LARP1B: variants seen among roughly 807,000 people sequenced by gnomAD.
The protein encoded by LARP1B is La ribonucleoprotein 1B.
A neutral mutation model predicts 114.2 loss-of-function variants in LARP1B; 76 were observed. That is an observed-to-expected ratio of 0.67 (90% CI 0.55 to 0.81). The LOEUF (loss-of-function observed/expected upper bound fraction) is 0.81. LARP1B is among the 30% of genes least tolerant of loss of function. LARP1B has a pLI of 0.00. For missense variants in LARP1B, 1,014 were observed against 1,075.8 expected, an observed-to-expected ratio of 0.94 and a Z score of 0.80; for synonymous variants, 345 against 348.0, an observed-to-expected ratio of 0.99 and a Z score of 0.10.
intron 11 of LARP1B, among the ~76,000 whole-genome samples, chr4:128,134,725 A>G (rs1792713510): frequency 2.0e-5 from 3 of 152,372 alleles, no homozygotes; most frequent in Admixed American, 2.0e-4. Context: ...GTATATAAAG[A>G]ACTCCTACAA....
chr4:128,113,376 A>C (rs1406061759), intron 9 of LARP1B, among the ~76,000 whole-genome samples: 1 of 138,612 alleles, frequency 7.2e-6, no homozygotes, highest in African/African-American at 2.7e-5. Flanking sequence ...TGAGACAGAG[A>C]GTTGCTCTGT....
rs143605285 is a variant in LARP1B at position 128,130,828 on chromosome 4, A to G, written c.1524+8640A>G. Reference sequence around the variant, plus strand: ...AAACAAGCTGTGGTACATTCAGACAATGGACTTACTCAGAGCTCAAAAATG... The same window carrying G: ...AAACAAGCTGTGGTACATTCAGACAGTGGACTTACTCAGAGCTCAAAAATG... On this transcript the variant is annotated intron_variant, in intron 11 of 19. Coordinates refer to ENST00000326639, the MANE Select transcript of LARP1B (RefSeq NM_018078.4). Among the ~76,000 whole-genome samples the G allele has an allele frequency of 3.1e-3, 477 of 152,310 alleles. 3 individuals are homozygous for G. Among genetic ancestry groups the G allele is most frequent in the African/African-American group, 0.011 (444 of 41,568 alleles).
At chr4:128,076,892 A>G (rs1156401244) in intron 3 of LARP1B, among the ~76,000 whole-genome samples, 1 of 151,808 alleles carries the variant, frequency 6.6e-6, no homozygotes, top group Non-Finnish European at 1.5e-5. Flanking sequence ...CGCCTGGCTA[A>G]TTTTTTTGTA....
intron 11 of LARP1B, among the ~76,000 whole-genome samples, chr4:128,136,963 AATG>A (rs779316380): frequency 3.9e-5 from 6 of 152,196 alleles, no homozygotes; most frequent in Non-Finnish European, 7.3e-5. Context: ...TCCCCAAAAC[AATG>A]ATATGTTTTT....
At chr4:128,221,102 T>G (rs529108966) in intron 7 of LARP1B, among the ~76,000 whole-genome samples, 1 of 152,332 alleles carries the variant, frequency 6.6e-6, no homozygotes, top group African/African-American at 2.4e-5. Flanking sequence ...AGGCATCCTC[T>G]GCAGTAATGG....
intron 4 of LARP1B, among the ~76,000 whole-genome samples, chr4:128,080,601 C>G (rs937888709): frequency 6.6e-6 from 1 of 152,064 alleles, no homozygotes; most frequent in Non-Finnish European, 1.5e-5. Flanking sequence ...TGCCATGAGT[C>G]TTTATTTTGG....
intron 1 of LARP1B, chr4:128,062,352 G>T (rs1431761550): frequency 3.5e-6 from 3 of 865,092 alleles, no homozygotes; most frequent in Non-Finnish European, 2.8e-6. Context: ...TCAGTCGGAG[G>T]TAATTTGTTC....
chr4:128,118,517 T>G (rs970631972), intron 10 of LARP1B, among the ~76,000 whole-genome samples: 16 of 151,862 alleles, frequency 1.1e-4, no homozygotes, highest in African/African-American at 3.9e-4. Context: ...ATTACAGGCG[T>G]GAGTCACCGC....
intron 8 of LARP1B, among the ~76,000 whole-genome samples, chr4:128,102,566 G>A (rs995290826): frequency 6.6e-6 from 1 of 152,022 alleles, no homozygotes; most frequent in Non-Finnish European, 1.5e-5. Context: ...GCTGATACCC[G>A]TATCTGCCCT....
At chr4:128,097,820 T>G (rs1309510522) in intron 7 of LARP1B, among the ~76,000 whole-genome samples, 1 of 152,182 alleles carries the variant, frequency 6.6e-6, no homozygotes, top group East Asian at 1.9e-4. Flanking sequence ...TATCTAATGC[T>G]TAAATGAAAC....
chr4:128,069,533 C>G (rs753260407), intron 1 of LARP1B: 19 of 745,174 alleles, frequency 2.5e-5, no homozygotes, highest in Non-Finnish European at 3.7e-5. Flanking sequence ...GAGCAGAGAG[C>G]TGGTGGTACT....
intron 10 of LARP1B, among the ~76,000 whole-genome samples, chr4:128,118,426 C>T (rs964581367): frequency 2.7e-5 from 4 of 150,554 alleles, no homozygotes; most frequent in Admixed American, 1.3e-4. Flanking sequence ...TTAGTAGAGA[C>T]GGGGTTTCAT....
chr4:128,064,292 T>TAAAAAA (rs1761585088), intron 1 of LARP1B, among the ~76,000 whole-genome samples: 2 of 34,406 alleles, frequency 5.8e-5, no homozygotes, highest in African/African-American at 9.8e-5. Context: ...AAAAAAAAAG[T>TAAAAAA]ACGGTGATTG....
chr4:128,066,336 C>G (rs956930700), intron 1 of LARP1B, among the ~76,000 whole-genome samples: 1 of 151,494 alleles, frequency 6.6e-6, no homozygotes, highest in Non-Finnish European at 1.5e-5. Flanking sequence ...GCCACCATGC[C>G]CGGCTGATTT....
At position 128,209,914 on chromosome 4, in the gene LARP1B, G is replaced by C; in HGVS notation, c.2606G>C (p.Ser869Thr). The C allele has an allele frequency of 1.9e-6, 3 of 1,613,968 alleles. No individual in the cohort carries two copies. Among genetic ancestry groups the C allele is most frequent in the Non-Finnish European group, 2.5e-6 (3 of 1,179,904 alleles). The change falls in exon 20 of 20, where the codon AGT becomes ACT. Residue 869 changes from serine to threonine, a missense_variant. Ser to Thr is a moderately conservative substitution (Grantham distance 58). Transcript: ENST00000326639. The stretch of plus-strand genomic sequence containing the variant: ...CATTCCTCTACTTCTGGTGAGGAGA[G>C]TAATCGTCATAGACTTCCACCTAAT... ...KRHSSTSGEE[S>T]NRHRLPPNSS...
At chr4:128,161,521 C>G (rs929602425) in intron 11 of LARP1B, among the ~76,000 whole-genome samples, 2 of 152,186 alleles carry the variant, frequency 1.3e-5, no homozygotes, top group Non-Finnish European at 2.9e-5. Context: ...GTGAAATCTT[C>G]TTGACCCAGT....
Position 128,101,710 on chromosome 4 carries a change from C to A in LARP1B, c.813+3380C>A, listed in dbSNP as rs139857112. Among the ~76,000 whole-genome samples, 312 of 152,060 alleles carry A rather than the reference C, an allele frequency of 2.1e-3. 3 individuals are homozygous for A. Among genetic ancestry groups the A allele is most frequent in the African/African-American group, 7.3e-3 (304 of 41,474 alleles). On this transcript the variant is annotated intron_variant, in intron 8 of 19. Coordinates refer to ENST00000326639, the MANE Select transcript of LARP1B (RefSeq NM_018078.4). ...GGCCAGGTTGGTCTCGAACTCCTGG[C>A]CTCAAGTGATCTTCCTGCCTCAGCT...
intron 15 of LARP1B, among the ~76,000 whole-genome samples, chr4:128,186,475 C>A (rs925917767): frequency 2.6e-5 from 4 of 151,874 alleles, no homozygotes; most frequent in Non-Finnish European, 4.4e-5. Context: ...TATATAAATG[C>A]TACTGTTTTT....
intron 5 of LARP1B, among the ~76,000 whole-genome samples, chr4:128,088,628 A>G (rs1035793932): frequency 2.6e-5 from 4 of 152,080 alleles, no homozygotes. Flanking sequence ...ATTTTTTCAG[A>G]CTGCAGACTA....
Sources: allele counts gnomAD v4.1 joint callset (sites outside exome capture counted in the v4.1 genomes callset), GRCh38; gene constraint gnomAD v4.1.1; transcripts MANE v1.5; gene names NCBI Gene and HGNC (gene_info 2026-07-23, HGNC 2026-07-21).